Variants in GNG4 observed in about 807,000 individuals in gnomAD.
The protein encoded by GNG4 is guanine nucleotide-binding protein G(I)/G(S)/G(O) subunit gamma-4.
In GNG4, 4 loss-of-function variants were observed where a neutral mutation model predicts 5.8. The ratio of observed to expected loss-of-function variants is 0.69; its 90% CI spans 0.34 to 1.57. GNG4 has a LOEUF of 1.57. Ranked by LOEUF, GNG4 falls within the 40% of genes most tolerant of loss-of-function variation. The pLI, the probability that GNG4 is intolerant of heterozygous loss-of-function variation, is 0.06. For synonymous variants in GNG4, 29 were observed against 32.9 expected (o/e 0.88, Z 0.41); for missense variants, 96 against 95.1 (o/e 1.01, Z -0.04).
chr1:235,553,980 G>A (rs906253768), intron 3 of GNG4, among the ~76,000 whole-genome samples: 1 of 152,234 alleles, frequency 6.6e-6, no homozygotes, highest in African/African-American at 2.4e-5. Context: ...TTGAATAGGA[G>A]TGTTTGAAGT....
intron 2 of GNG4, among the ~76,000 whole-genome samples, chr1:235,590,388 G>A (rs1687929814): frequency 6.6e-6 from 1 of 152,106 alleles, no homozygotes; most frequent in South Asian, 2.1e-4. Context: ...CTGGAAGGCA[G>A]AGATTGCAGT....
intron 1 of GNG4, among the ~76,000 whole-genome samples, chr1:235,608,693 T>A (rs58271274): frequency 1.5e-3 from 216 of 148,378 alleles, no homozygotes; most frequent in African/African-American, 5.1e-3. Flanking sequence ...TTTTATTTTT[T>A]TTTTTTTTGA....
chr1:235,613,169 C>G (rs886527148), intron 1 of GNG4, among the ~76,000 whole-genome samples: 12 of 152,126 alleles, frequency 7.9e-5, no homozygotes, highest in African/African-American at 2.9e-4. Context: ...CTGAGAAGTT[C>G]AAAGCATGGC....
chr1:235,565,134 A>T (rs1283219873), intron 3 of GNG4, among the ~76,000 whole-genome samples: 1 of 152,140 alleles, frequency 6.6e-6, no homozygotes, highest in African/African-American at 2.4e-5. Flanking sequence ...GAGGCAGGAG[A>T]CCACTCGGGC....
At chr1:235,558,404 C>A (rs139361327) in intron 3 of GNG4, among the ~76,000 whole-genome samples, 1 of 152,198 alleles carries the variant, frequency 6.6e-6, no homozygotes, top group East Asian at 1.9e-4. Flanking sequence ...TCTTGGGTAA[C>A]CCCTGAAGTT....
chr1:235,604,165 C>A (rs1053682648), intron 1 of GNG4, among the ~76,000 whole-genome samples: 12 of 152,192 alleles, frequency 7.9e-5, no homozygotes, highest in Admixed American at 6.5e-4. Context: ...GTTACTCAAA[C>A]TGGACCACGG....
chr1:235,603,341 C>T (rs1313175311), intron 1 of GNG4, among the ~76,000 whole-genome samples: 1 of 152,078 alleles, frequency 6.6e-6, no homozygotes, highest in Non-Finnish European at 1.5e-5. Flanking sequence ...GCTGTGGCAG[C>T]AAAGGGCACA....
intron 1 of GNG4, among the ~76,000 whole-genome samples, chr1:235,624,583 T>G (rs1688773399): frequency 6.6e-6 from 1 of 152,180 alleles, no homozygotes; most frequent in African/African-American, 2.4e-5. Context: ...AAGAATGAAT[T>G]TTCTATAACC....
rs1188488712 is a variant in GNG4 at position 235,549,545 on chromosome 1, A to T, written c.*2564T>A. 1 of 152,186 alleles carries T rather than the reference A, an allele frequency of 6.6e-6. No individual in the cohort carries two copies. The highest frequency in any genetic ancestry group is 1.5e-5 in the Non-Finnish European group (1 of 68,034). 9.4% of individuals were successfully genotyped at this position (152,186 alleles called of 1,614,324 possible). A position where few individuals can be genotyped will look rare whatever the true frequency, so the allele number is the denominator to read the frequency against. On this transcript the variant is annotated 3_prime_UTR_variant, in exon 4 of 4. Coordinates refer to ENST00000391854, the MANE Select transcript of GNG4 (RefSeq NM_001098722.2). ...TCGCTTCATCGGGTTAATGATGTTGACGTGAAGCACAGAATAAAGAGATCC... is the reference window on the plus strand; with the variant it reads ...TCGCTTCATCGGGTTAATGATGTTGTCGTGAAGCACAGAATAAAGAGATCC...
chr1:235,583,488 G>A (rs780405082), intron 3 of GNG4, among the ~76,000 whole-genome samples: 6 of 152,186 alleles, frequency 3.9e-5, no homozygotes, highest in East Asian at 1.9e-4. Flanking sequence ...AAATAGAGCC[G>A]AGATGAATTA....
rs557404218 is a variant in GNG4 at position 235,561,315 on chromosome 1, C to G, written c.100-9078G>C. ...TGAGCCACCGCGCCCGGCCATTTTG[C>G]CCATTTTTTAATGTGGTTGGTTGTT... On this transcript the variant is annotated intron_variant, in intron 3 of 3. Transcript: ENST00000391854. Among the ~76,000 whole-genome samples the G allele has an allele frequency of 2.4e-4, 36 of 151,744 alleles. No homozygotes were observed. The South Asian group carries it at 7.5e-3, about 32-fold the overall frequency.
intron 1 of GNG4, chr1:235,615,594 G>T: frequency 4.6e-6 from 1 of 217,802 alleles, no homozygotes; most frequent in Non-Finnish European, 1.0e-5. Flanking sequence ...TCAACCCTCT[G>T]GAAGATGATT....
chr1:235,581,208 A>G (rs1687625785), intron 3 of GNG4, among the ~76,000 whole-genome samples: 1 of 151,934 alleles, frequency 6.6e-6, no homozygotes, highest in South Asian at 2.1e-4. Context: ...AAGGGTTTAA[A>G]ACCATCTCCC....
chr1:235,576,857 A>C (rs1687495727), intron 3 of GNG4, among the ~76,000 whole-genome samples: 1 of 152,154 alleles, frequency 6.6e-6, no homozygotes, highest in Non-Finnish European at 1.5e-5. Context: ...TATATCCCCT[A>C]CTGAAGTCTA....
chr1:235,613,631 G>C (rs1377347775), intron 1 of GNG4, among the ~76,000 whole-genome samples: 5 of 152,204 alleles, frequency 3.3e-5, no homozygotes, highest in Non-Finnish European at 5.9e-5. Flanking sequence ...GCTGGAAAAG[G>C]CAAGAAGGAT....
Position 235,551,201 on chromosome 1 carries a change from A to ACCACGGCCCACAGCCGGGGCG in GNG4, c.*887_*907dup, listed in dbSNP as rs1299890346. The stretch of plus-strand genomic sequence containing the variant: ...AGGACCACTGAAACAAGGGACATCC[A>ACCACGGCCCACAGCCGGGGCG]CCACGGCCCACAGCCGGGGCGCCAC... On this transcript the variant is annotated 3_prime_UTR_variant, in exon 4 of 4. Transcript: ENST00000391854. 6.6e-6 allele frequency: 1 copy of ACCACGGCCCACAGCCGGGGCG among 152,298 alleles called. No homozygotes were observed. 9.4% of individuals were successfully genotyped at this position (152,298 alleles called of 1,614,324 possible).
At chr1:235,559,112 C>T (rs1686991981) in intron 3 of GNG4, among the ~76,000 whole-genome samples, 1 of 152,208 alleles carries the variant, frequency 6.6e-6, no homozygotes, top group Non-Finnish European at 1.5e-5. Flanking sequence ...CAGACCCACA[C>T]CTATTTCTAA....
chr1:235,647,352 A>G (rs1657536927), intron 1 of GNG4, among the ~76,000 whole-genome samples: 1 of 151,742 alleles, frequency 6.6e-6, no homozygotes, highest in South Asian at 2.1e-4. Context: ...TCAAAATTCC[A>G]CGAAGAAAGG....
At chr1:235,618,558 T>C (rs1688643983) in intron 1 of GNG4, among the ~76,000 whole-genome samples, 1 of 152,170 alleles carries the variant, frequency 6.6e-6, no homozygotes, top group East Asian at 1.9e-4. Flanking sequence ...TTCTCAGTGG[T>C]GCCTGCAGTT....
Sources: allele counts gnomAD v4.1 joint callset (sites outside exome capture counted in the v4.1 genomes callset), GRCh38; gene constraint gnomAD v4.1.1; transcripts MANE v1.5; gene names NCBI Gene and HGNC (gene_info 2026-07-23, HGNC 2026-07-21).